Variants in VWF observed in about 807,000 individuals in gnomAD.
VWF encodes the protein Factor VIII related antigen.
A neutral mutation model predicts 308.6 loss-of-function variants in VWF; 176 were observed. The observed-to-expected ratio is 0.57, with a 90% CI of 0.50 to 0.65. The LOEUF (loss-of-function observed/expected upper bound fraction) is 0.65, where lower values mean the gene tolerates loss of function less well. VWF is among the 30% of genes least tolerant of loss of function. The probability of loss-of-function intolerance (pLI) is 0.00; values close to 1 mark genes in which losing one functional copy is unlikely to be tolerated. For synonymous variants in VWF, 1,385 were observed against 1,443.4 expected (o/e 0.96, Z 0.92); for missense variants, 3,146 against 3,648.2 (o/e 0.86, Z 3.55).
intron 34 of VWF, among the ~76,000 whole-genome samples, chr12:6,001,272 A>G (rs1474663613): frequency 6.6e-6 from 1 of 152,180 alleles, no homozygotes; most frequent in Non-Finnish European, 1.5e-5. Context: ...ATAAAATATA[A>G]TGACGAAAGA....
chr12:6,073,803 G>C, intron 7 of VWF, 62 bp from the exon 8 acceptor site: 1 of 1,609,996 alleles, frequency 6.2e-7, no homozygotes, highest in South Asian at 1.1e-5. Context: ...CATCTCACCA[G>C]CCATGCCACA....
chr12:6,121,602 T>C (rs1311082162), intron 2 of VWF, among the ~76,000 whole-genome samples: 2 of 152,194 alleles, frequency 1.3e-5, no homozygotes, highest in Non-Finnish European at 2.9e-5. Context: ...AATGTCATCA[T>C]GTCCATTATT....
At position 6,011,786 on chromosome 12, in the gene VWF, G is replaced by A. The variant is rs369450995; in HGVS notation, c.5673C>T (p.Asp1891=). 16 of 1,609,476 alleles carry A rather than the reference G, an allele frequency of 9.9e-6. No individual in the cohort carries two copies. Among genetic ancestry groups the A allele is most frequent in the Admixed American group, 5.0e-5 (3 of 59,884 alleles). The change falls in exon 34 of 52, where the codon GAC becomes GAT. Residue 1891 remains aspartate, a synonymous_variant. Transcript: ENST00000261405. ...GGCACTGGTCTGGCAAGGTCCAGAC[G>A]TCCCCGGGCTGCAGAAGAAAACAGC... ...DEDGNEKRPG[D]VWTLPDQCHT... is the part of the protein sequence containing the mutation.
intron 47 of VWF, 186 bp from the exon 48 acceptor site, chr12:5,953,780 C>G: frequency 1.6e-6 from 1 of 634,910 alleles, no homozygotes. Context: ...TTCCTTCACT[C>G]TGCATGTGCA....
At chr12:5,953,140 T>C (rs563096843) in intron 48 of VWF, among the ~76,000 whole-genome samples, 2 of 151,810 alleles carry the variant, frequency 1.3e-5, no homozygotes, top group African/African-American at 2.4e-5. Flanking sequence ...GACAGGGAAA[T>C]CGCTTGAACC....
chr12:6,014,530 G>T (rs1243511244), intron 31 of VWF, among the ~76,000 whole-genome samples: 1 of 152,186 alleles, frequency 6.6e-6, no homozygotes, highest in Non-Finnish European at 1.5e-5. Context: ...GCTATAGTTT[G>T]TTCGTGGCTT....
chr12:6,088,292 C>G (rs1172539893), intron 6 of VWF, among the ~76,000 whole-genome samples: 1 of 151,870 alleles, frequency 6.6e-6, no homozygotes, highest in Non-Finnish European at 1.5e-5. Context: ...TCCTGGCTAA[C>G]ACGGTGAAAA....
At chr12:6,044,191 G>A (rs1443414551) in intron 18 of VWF, 100 bp downstream of exon 18, 23 of 1,466,036 alleles carry the variant, frequency 1.6e-5, no homozygotes, top group Non-Finnish European at 2.0e-5. Context: ...TCCGTGTTTA[G>A]CCCTTGTTTC....
At chr12:6,025,810 C>A in intron 23 of VWF, 96 bp downstream of exon 23, 1 of 1,606,058 alleles carries the variant, frequency 6.2e-7, no homozygotes, top group Non-Finnish European at 8.5e-7. Flanking sequence ...GTCATACCAC[C>A]CACAACCCCC....
chr12:6,032,221 A>C (rs1257294575), intron 20 of VWF, among the ~76,000 whole-genome samples: 1 of 152,156 alleles, frequency 6.6e-6, no homozygotes, highest in Non-Finnish European at 1.5e-5. Context: ...AAAATGTTCA[A>C]CTTAGAAAAA....
intron 6 of VWF, among the ~76,000 whole-genome samples, chr12:6,092,618 AGTGTGTGTGT>A (rs752209524): frequency 0.035 from 2,334 of 66,064 alleles, 39 homozygotes; most frequent in Non-Finnish European, 0.044. Context: ...AGTGAGTGAG[AGTGTGTGTGT>A]GTGTGTGTGT....
intron 34 of VWF, among the ~76,000 whole-genome samples, chr12:6,008,561 C>A (rs1257559001): frequency 6.6e-6 from 1 of 152,130 alleles, no homozygotes; most frequent in Non-Finnish European, 1.5e-5. Context: ...CCACAGCTAA[C>A]ATCACACCGA....
chr12:5,973,679 T>C (rs190296504), intron 43 of VWF, among the ~76,000 whole-genome samples: 2 of 152,320 alleles, frequency 1.3e-5, no homozygotes, highest in Admixed American at 1.3e-4. Flanking sequence ...GTGGCCCTGT[T>C]TCCTGTCTGA....
intron 44 of VWF, among the ~76,000 whole-genome samples, 184 bp from the exon 45 acceptor site, chr12:5,969,575 C>A (rs904366080): frequency 1.3e-5 from 2 of 152,220 alleles, no homozygotes; most frequent in Non-Finnish European, 2.9e-5. Flanking sequence ...GAGCACCACT[C>A]AAACAGTTTG....
At chr12:6,093,499 T>C (rs925100810) in intron 6 of VWF, among the ~76,000 whole-genome samples, 1 of 152,178 alleles carries the variant, frequency 6.6e-6, no homozygotes, top group Non-Finnish European at 1.5e-5. Flanking sequence ...TCTCACTTCC[T>C]AACCAAGGCT....
intron 22 of VWF, among the ~76,000 whole-genome samples, chr12:6,027,972 AAATG>A (rs1335769027): frequency 2.0e-5 from 3 of 152,214 alleles, no homozygotes; most frequent in Non-Finnish European, 4.4e-5. Context: ...TTTGTTGAAT[AAATG>A]AATGAATGAA....
chr12:6,063,546 T>C lies in VWF; in HGVS notation c.1433-492A>G, dbSNP rs924756885. On this transcript the variant is annotated intron_variant, in intron 12 of 51. Coordinates refer to ENST00000261405, the MANE Select transcript of VWF (RefSeq NM_000552.5). This position sits in a 1 kb window ranked among gnomAD's most constrained non-coding sequence, Gnocchi z 4.9. Reference sequence around the variant, plus strand: ...ACCCCTTGCCCTGGGGGAACAAACATATCTTATAAGGAGACACACAGCATA... The same window carrying C: ...ACCCCTTGCCCTGGGGGAACAAACACATCTTATAAGGAGACACACAGCATA... 6.6e-6 allele frequency among the ~76,000 whole-genome samples: 1 copy of C among 152,054 alleles called. No homozygotes were observed. Among genetic ancestry groups the C allele is most frequent in the Non-Finnish European group, 1.5e-5 (1 of 67,994 alleles).
chr12:6,122,672 G>A (rs1252584809), intron 2 of VWF: 26 of 478,620 alleles, frequency 5.4e-5, no homozygotes, highest in South Asian at 4.0e-4. Flanking sequence ...AAGGGCAGCA[G>A]TATGATGCAG....
Position 6,052,571 on chromosome 12 carries a change from C to T in VWF, c.2158G>A (p.Asp720Asn), listed in dbSNP as rs745833693. ...ATGGTGTGATGGTCTGAGAAGATGT[C>T]TTCTGGCTGGAAGATCTCACCGTCA... ...YYDGEIFQPEDIFSDHHTMCY... is the reference protein window; with the variant it reads ...YYDGEIFQPENIFSDHHTMCY... Residue 720 changes from aspartate (D) to asparagine (N), a missense_variant, in exon 16 of 52, where the codon GAC (aspartate) becomes AAC (asparagine). Asp to Asn is a conservative substitution (Grantham distance 23). This residue lies in a region of VWF where 1,304 missense variants were observed against 1,353.0 expected (regional missense o/e 0.96). Transcript: ENST00000261405. 1.2e-6 allele frequency: 2 copies of T among 1,614,254 alleles called. No homozygotes were observed. The highest frequency in any genetic ancestry group is 1.7e-6 in the Non-Finnish European group (2 of 1,180,044).
Sources: allele counts gnomAD v4.1 joint callset (sites outside exome capture counted in the v4.1 genomes callset), GRCh38; gene constraint gnomAD v4.1.1; regional missense constraint gnomAD v4.1.1; non-coding constraint Gnocchi (gnomAD v3.1); transcripts MANE v1.5; gene names NCBI Gene and HGNC (gene_info 2026-07-23, HGNC 2026-07-21).